UPRT: variants seen among roughly 807,000 people sequenced by gnomAD.
The protein encoded by UPRT is uracil phosphoribosyltransferase homolog.
A neutral mutation model predicts 22.6 loss-of-function variants in UPRT; 5 were observed. That is an observed-to-expected ratio of 0.22 (90% CI 0.12 to 0.47). The LOEUF (loss-of-function observed/expected upper bound fraction) is 0.47, where lower values mean the gene tolerates loss of function less well. UPRT is among the 20% of genes least tolerant of loss of function. UPRT has a pLI of 0.99. For synonymous variants in UPRT, 77 were observed against 87.7 expected, an observed-to-expected ratio of 0.88 and a Z score of 0.68; for missense variants, 181 against 239.9, an observed-to-expected ratio of 0.75 and a Z score of 1.62.
chrX:75,198,269 T>C (rs2082338429), intron 4 of UPRT, among the ~76,000 whole-genome samples: 2 of 112,549 alleles, frequency 1.8e-5, no homozygotes, highest in Middle Eastern at 4.2e-3. Flanking sequence ...TTATATGGAG[T>C]TCTAAAGCTG....
At chrX:75,186,532 T>G (rs1434290317) in intron 4 of UPRT, among the ~76,000 whole-genome samples, 1 of 111,871 alleles carries the variant, frequency 8.9e-6, no homozygotes, top group African/African-American at 3.3e-5. Flanking sequence ...TAAATGTCTA[T>G]TAGGTCTGCT....
chrX:75,279,198 A>G (rs1240005017), intron 1 of UPRT, among the ~76,000 whole-genome samples: 3 of 111,409 alleles, frequency 2.7e-5, no homozygotes, highest in Admixed American at 1.9e-4. Context: ...GATTCCACAC[A>G]CTAAACAGAA....
At chrX:75,173,880 C>T (rs1441539558) in intron 4 of UPRT, among the ~76,000 whole-genome samples, 4 of 112,252 alleles carry the variant, frequency 3.6e-5, no homozygotes, top group South Asian at 3.7e-4. Context: ...CAGGGCTGGC[C>T]GGCTGCTCCG....
At chrX:75,209,555 T>C (rs2082375083) in intron 4 of UPRT, among the ~76,000 whole-genome samples, 1 of 111,848 alleles carries the variant, frequency 8.9e-6, no homozygotes, top group Admixed American at 9.4e-5. Context: ...GTATTTTTAT[T>C]AGAGACGGGG....
intron 1 of UPRT, among the ~76,000 whole-genome samples, chrX:75,288,558 A>G (rs2082691924): frequency 8.9e-6 from 1 of 112,548 alleles, no homozygotes. Context: ...GATTCAACAC[A>G]TAAAAAGAAT....
chrX:75,301,196 G>T (rs1286495558), intron 6 of UPRT, among the ~76,000 whole-genome samples: 1 of 111,974 alleles, frequency 8.9e-6, no homozygotes, highest in Non-Finnish European at 1.9e-5. Context: ...CCATTTAAAA[G>T]AATTGCAATT....
At chrX:75,205,658 C>T (rs1159888598) in intron 4 of UPRT, among the ~76,000 whole-genome samples, 1 of 111,539 alleles carries the variant, frequency 9.0e-6, no homozygotes, top group Non-Finnish European at 1.9e-5. Context: ...TAGGACCCAT[C>T]CATTTAGGTT....
intron 6 of UPRT, among the ~76,000 whole-genome samples, chrX:75,301,472 G>A (rs1195644240): frequency 1.8e-5 from 2 of 111,870 alleles, no homozygotes; most frequent in African/African-American, 6.5e-5. Flanking sequence ...GCCATACATT[G>A]CAGAACAATT....
chrX:75,256,485 C>A (rs1220015574), intron 4 of UPRT, among the ~76,000 whole-genome samples: 3 of 110,749 alleles, frequency 2.7e-5, no homozygotes, highest in African/African-American at 9.8e-5. Flanking sequence ...CAAACCCAAA[C>A]CCAGCAGAAG....
chrX:75,171,737 A>G (rs1472014334), intron 4 of UPRT, among the ~76,000 whole-genome samples: 5 of 110,275 alleles, frequency 4.5e-5, no homozygotes, highest in African/African-American at 1.3e-4. Flanking sequence ...CTGGGTCTCA[A>G]TGCTGCTTTT....
chrX:75,258,627 G>C (rs965596625), intron 4 of UPRT, among the ~76,000 whole-genome samples: 21 of 112,078 alleles, frequency 1.9e-4, no homozygotes, highest in Non-Finnish European at 3.4e-4. Flanking sequence ...CCCCAGTCAG[G>C]GGCTTATAGA....
At chrX:75,180,212 C>A (rs1165029286) in intron 4 of UPRT, among the ~76,000 whole-genome samples, 1 of 112,432 alleles carries the variant, frequency 8.9e-6, no homozygotes, top group Non-Finnish European at 1.9e-5. Context: ...TCCCTGTGGT[C>A]TTTTCCCAGT....
chrX:75,174,737 A>G (rs2082241437), intron 4 of UPRT, among the ~76,000 whole-genome samples: 1 of 112,084 alleles, frequency 8.9e-6, no homozygotes, highest in Non-Finnish European at 1.9e-5. Flanking sequence ...TTGTAAAGGA[A>G]GAATAGATTT....
chrX:75,214,466 G>A (rs1381235791), intron 4 of UPRT, among the ~76,000 whole-genome samples: 1 of 112,763 alleles, frequency 8.9e-6, no homozygotes, highest in Non-Finnish European at 1.9e-5. Flanking sequence ...ACTCATAGCA[G>A]CAGAGAGTGG....
At chrX:75,285,947 A>G (rs1368674660) in intron 1 of UPRT, among the ~76,000 whole-genome samples, 2 of 111,579 alleles carry the variant, frequency 1.8e-5, no homozygotes, top group Non-Finnish European at 3.8e-5. Flanking sequence ...AAGGAAAACC[A>G]TTCATAAATC....
At chrX:75,189,822 A>T (rs1421189529) in intron 4 of UPRT, among the ~76,000 whole-genome samples, 1 of 109,730 alleles carries the variant, frequency 9.1e-6, no homozygotes, top group African/African-American at 3.3e-5. Context: ...TTTTTTATTC[A>T]TTTTCTTGGT....
intron 4 of UPRT, among the ~76,000 whole-genome samples, chrX:75,212,953 TA>T (rs1236798538): frequency 9.0e-6 from 1 of 111,556 alleles, no homozygotes; most frequent in Non-Finnish European, 1.9e-5. Flanking sequence ...AATAAAACAA[TA>T]TAAAATAAAA....
At chrX:75,188,755 C>T (rs942316058) in intron 4 of UPRT, among the ~76,000 whole-genome samples, 1 of 112,431 alleles carries the variant, frequency 8.9e-6, no homozygotes, top group African/African-American at 3.2e-5. Context: ...GTCGGAAAAG[C>T]GCAGTATTCA....
At chrX:75,289,515 A>G (rs1336956468) in intron 1 of UPRT, among the ~76,000 whole-genome samples, 2 of 111,328 alleles carry the variant, frequency 1.8e-5, no homozygotes, top group Non-Finnish European at 3.8e-5. Flanking sequence ...AATCCTAAGC[A>G]AAAAGAACAA....
Sources: allele counts gnomAD v4.1 joint callset (sites outside exome capture counted in the v4.1 genomes callset), GRCh38; gene constraint gnomAD v4.1.1; transcripts MANE v1.5; gene names NCBI Gene and HGNC (gene_info 2026-07-23, HGNC 2026-07-21).